Variants in PTPRG observed in about 807,000 individuals in gnomAD.
The protein encoded by PTPRG is receptor-type tyrosine-protein phosphatase gamma.
Under a neutral mutation model 165.3 loss-of-function variants are expected in PTPRG, and 102 were observed. That is an observed-to-expected ratio of 0.62 (90% CI 0.53 to 0.73). The LOEUF is 0.73. Ranked by LOEUF, PTPRG falls within the 30% of genes least tolerant of loss-of-function variation. PTPRG has a pLI of 0.00. For synonymous variants in PTPRG, 675 were observed against 669.5 expected, an observed-to-expected ratio of 1.01 and a Z score of -0.13; for missense variants, 1,866 against 1,861.4, an observed-to-expected ratio of 1.00 and a Z score of -0.05.
chr3:61,867,701 C>CCCTCTCTT (rs1361627821), intron 2 of PTPRG, among the ~76,000 whole-genome samples: 5 of 152,272 alleles, frequency 3.3e-5, no homozygotes, highest in Middle Eastern at 3.4e-3. Flanking sequence ...AGCCCTCTCT[C>CCCTCTCTT]CCTCTCTTCT....
intron 2 of PTPRG, among the ~76,000 whole-genome samples, chr3:61,921,911 T>C (rs1207664824): frequency 1.3e-5 from 2 of 152,218 alleles, no homozygotes; most frequent in Admixed American, 1.3e-4. Flanking sequence ...TTAACATTTG[T>C]ACATGTCACC....
At chr3:61,998,387 T>C (rs1322321760) in intron 3 of PTPRG, among the ~76,000 whole-genome samples, 1 of 152,230 alleles carries the variant, frequency 6.6e-6, no homozygotes, top group Non-Finnish European at 1.5e-5. Context: ...TATTCTATGA[T>C]GTGTATGAAT....
chr3:61,695,508 G>A (rs562659356), intron 1 of PTPRG, among the ~76,000 whole-genome samples: 7 of 152,276 alleles, frequency 4.6e-5, no homozygotes, highest in African/African-American at 9.6e-5. Flanking sequence ...AACAAGTTCC[G>A]TTGACTAAAG....
intron 8 of PTPRG, among the ~76,000 whole-genome samples, chr3:62,177,904 C>A (rs1034953842): frequency 6.6e-6 from 1 of 152,282 alleles, no homozygotes; most frequent in Non-Finnish European, 1.5e-5. Context: ...TGTGATTTTT[C>A]CCCCTAATAT....
intron 5 of PTPRG, among the ~76,000 whole-genome samples, chr3:62,121,119 TTTTTTTTGTA>T (rs2106890191): frequency 1.3e-5 from 2 of 151,608 alleles, no homozygotes; most frequent in Admixed American, 1.3e-4. Context: ...AATTTTTTTT[TTTTTTTTGTA>T]TTTTTAGTAA....
chr3:61,674,725 T>A (rs908276836), intron 1 of PTPRG, among the ~76,000 whole-genome samples: 1 of 152,132 alleles, frequency 6.6e-6, no homozygotes, highest in Non-Finnish European at 1.5e-5. Flanking sequence ...CCTCATGAGG[T>A]AGCTGGAAAA....
At chr3:62,034,174 C>A (rs543314275) in intron 4 of PTPRG, among the ~76,000 whole-genome samples, 25 of 152,308 alleles carry the variant, frequency 1.6e-4, no homozygotes, top group African/African-American at 6.0e-4. Flanking sequence ...AAAGTCAGCC[C>A]TGTGGAACCC....
chr3:62,149,867 C>T (rs944686605), intron 6 of PTPRG, among the ~76,000 whole-genome samples: 3 of 152,172 alleles, frequency 2.0e-5, no homozygotes, highest in African/African-American at 7.2e-5. Flanking sequence ...TTTTTTCCCC[C>T]CCTCAATCCT....
chr3:61,981,852 A>C (rs886226679), intron 2 of PTPRG, among the ~76,000 whole-genome samples: 1 of 152,226 alleles, frequency 6.6e-6, no homozygotes, highest in Non-Finnish European at 1.5e-5. Flanking sequence ...TCCAGAGATG[A>C]AACTGGAATG....
At chr3:62,076,646 A>G (rs1701397600) in intron 4 of PTPRG, among the ~76,000 whole-genome samples, 1 of 149,986 alleles carries the variant, frequency 6.7e-6, no homozygotes, top group African/African-American at 2.5e-5. Flanking sequence ...CAATGGCATG[A>G]CCTCGGCTCA....
intron 2 of PTPRG, among the ~76,000 whole-genome samples, chr3:61,845,084 T>C (rs1428126239): frequency 1.3e-5 from 2 of 152,250 alleles, no homozygotes; most frequent in African/African-American, 2.4e-5. Context: ...CATTTTGTCA[T>C]TCTCTTTCTT....
At chr3:62,032,379 G>C (rs1416577941) in intron 4 of PTPRG, among the ~76,000 whole-genome samples, 2 of 152,176 alleles carry the variant, frequency 1.3e-5, no homozygotes, top group Non-Finnish European at 2.9e-5. Context: ...ATATGGATTT[G>C]AGTAAAAATA....
At chr3:62,087,232 G>T (rs1701783257) in intron 5 of PTPRG, among the ~76,000 whole-genome samples, 1 of 152,136 alleles carries the variant, frequency 6.6e-6, no homozygotes, top group Non-Finnish European at 1.5e-5. Context: ...CTAGCTCTTT[G>T]CAGTCTGCCA....
intron 8 of PTPRG, among the ~76,000 whole-genome samples, chr3:62,184,129 G>A (rs190891656): frequency 6.6e-6 from 1 of 152,288 alleles, no homozygotes; most frequent in East Asian, 1.9e-4. Context: ...GGTGAATGGA[G>A]CCCAGCTCTC....
chr3:61,629,823 C>G (rs766518297), intron 1 of PTPRG, among the ~76,000 whole-genome samples: 11 of 152,224 alleles, frequency 7.2e-5, no homozygotes, highest in Non-Finnish European at 1.5e-4. Flanking sequence ...CCTAGAGGCT[C>G]TCTGTGTTAA....
intron 5 of PTPRG, among the ~76,000 whole-genome samples, chr3:62,090,589 A>G (rs1203800808): frequency 6.6e-6 from 1 of 152,198 alleles, no homozygotes; most frequent in Non-Finnish European, 1.5e-5. Flanking sequence ...AACAGATCAG[A>G]CAGGTAAAAT....
intron 14 of PTPRG, among the ~76,000 whole-genome samples, chr3:62,231,569 T>C (rs1700902402): frequency 6.6e-6 from 1 of 152,098 alleles, no homozygotes; most frequent in African/African-American, 2.4e-5. Flanking sequence ...TGTTTCCGGG[T>C]TTGTATGTAC....
intron 1 of PTPRG, among the ~76,000 whole-genome samples, chr3:61,644,657 C>G (rs966601196): frequency 6.6e-6 from 1 of 152,126 alleles, no homozygotes; most frequent in Non-Finnish European, 1.5e-5. Flanking sequence ...TGGAAGAAAT[C>G]ATTGAGTTAG....
intron 1 of PTPRG, among the ~76,000 whole-genome samples, chr3:61,701,751 T>A (rs1022842232): frequency 3.3e-5 from 5 of 152,060 alleles, no homozygotes; most frequent in Non-Finnish European, 7.4e-5. Flanking sequence ...AAAAAAATTA[T>A]CCAGGTGTCG....
Sources: gnomAD v4.1 joint callset for allele counts (sites outside exome capture counted in the v4.1 genomes callset) on GRCh38, gnomAD v4.1.1 for gene constraint, MANE v1.5 for transcripts, NCBI Gene and HGNC (gene_info 2026-07-23, HGNC 2026-07-21) for gene names.